Variants in TRPC7 observed in about 807,000 individuals in gnomAD.
The protein encoded by TRPC7 is transient receptor potential cation channel subfamily C member 7.
TRPC7 carries 42 observed loss-of-function variants against 90.1 expected under a neutral mutation model. The ratio of observed to expected loss-of-function variants is 0.47; its 90% CI spans 0.36 to 0.60. The LOEUF (loss-of-function observed/expected upper bound fraction) is 0.60. TRPC7 is among the 20% of genes least tolerant of loss of function. The pLI is 0.00. For synonymous variants in TRPC7, 451 were observed against 436.3 expected (o/e 1.03, Z -0.42); for missense variants, 955 against 1,112.3 (o/e 0.86, Z 2.01).
At chr5:136,358,508 T>G (rs971764105) in intron 1 of TRPC7, among the ~76,000 whole-genome samples, 3 of 152,200 alleles carry the variant, frequency 2.0e-5, no homozygotes, top group Non-Finnish European at 4.4e-5. Flanking sequence ...AGACAGACTT[T>G]GAAGTTAGAA....
chr5:136,293,964 C>A (rs1342226533), intron 3 of TRPC7, among the ~76,000 whole-genome samples: 1 of 152,108 alleles, frequency 6.6e-6, no homozygotes, highest in Non-Finnish European at 1.5e-5. Context: ...TGGAACAGAA[C>A]AGAGCCCTCA....
intron 3 of TRPC7, among the ~76,000 whole-genome samples, chr5:136,291,560 G>A (rs1480848076): frequency 7.2e-5 from 11 of 152,188 alleles, no homozygotes; most frequent in South Asian, 2.1e-4. Context: ...ATTACGTAAC[G>A]GTAAAGGGAT....
At chr5:136,353,634 C>T (rs555686052) in intron 2 of TRPC7, among the ~76,000 whole-genome samples, 8 of 152,266 alleles carry the variant, frequency 5.3e-5, no homozygotes, top group Middle Eastern at 3.4e-3. Flanking sequence ...ACATATAAGG[C>T]TAACTGAATA....
At position 136,365,394 on chromosome 5, in the gene TRPC7, G is replaced by T; in HGVS notation, c.-140C>A. ...CTGAAGTATAGAGCTGGTCAAGTGA[G>T]TTAAGTTGCAACGATGTGAAAGCGC... On this transcript the variant is annotated 5_prime_UTR_variant, in exon 1 of 12. Coordinates refer to ENST00000513104, the MANE Select transcript of TRPC7 (RefSeq NM_020389.3). The T allele has an allele frequency of 1.2e-6, 1 of 867,204 alleles. No homozygotes were observed. The allele number at this position is 867,204 out of a possible 1,614,324, so 53.7% of individuals were successfully genotyped here. A position where few individuals can be genotyped will look rare whatever the true frequency, so the allele number is the denominator to read the frequency against.
Position 136,353,138 on chromosome 5 carries a change from T to G in TRPC7, c.780+3470A>C, listed in dbSNP as rs12520683. Among the ~76,000 whole-genome samples the G allele has an allele frequency of 8.5e-3, 1,290 of 152,318 alleles. 9 individuals are homozygous for G. Among genetic ancestry groups the G allele is most frequent in the Admixed American group, 0.016 (238 of 15,290 alleles). ...AGATTAGAGAGACATAAGAAAATCC[T>G]TGAACAGCTACATGATTTCCACACC... On this transcript the variant is annotated intron_variant, in intron 2 of 11. Transcript: ENST00000513104.
chr5:136,275,383 A>T (rs749664148), intron 3 of TRPC7, among the ~76,000 whole-genome samples: 5 of 44,662 alleles, frequency 1.1e-4, no homozygotes, highest in South Asian at 9.5e-4. Context: ...ATGACATTGT[A>T]AAAAAAAAAA....
intron 3 of TRPC7, among the ~76,000 whole-genome samples, chr5:136,296,510 A>G (rs1245541488): frequency 6.6e-6 from 1 of 152,236 alleles, no homozygotes; most frequent in Non-Finnish European, 1.5e-5. Context: ...ATACATTTTA[A>G]AATGAATGCT....
chr5:136,233,257 G>A (rs1376796033), intron 7 of TRPC7, among the ~76,000 whole-genome samples: 2 of 152,174 alleles, frequency 1.3e-5, no homozygotes, highest in African/African-American at 4.8e-5. Flanking sequence ...TAGCATTAGC[G>A]AGAAATAATT....
At chr5:136,358,939 T>C (rs1760474708) in intron 1 of TRPC7, among the ~76,000 whole-genome samples, 1 of 152,254 alleles carries the variant, frequency 6.6e-6, no homozygotes, top group Admixed American at 6.5e-5. Context: ...TTAACTATTT[T>C]CTATGGTCCC....
chr5:136,333,712 C>T (rs1008179418), intron 2 of TRPC7, among the ~76,000 whole-genome samples: 1 of 152,110 alleles, frequency 6.6e-6, no homozygotes, highest in Admixed American at 6.5e-5. Flanking sequence ...AATTTTAATA[C>T]CAGCAGGATT....
At chr5:136,291,352 G>A (rs1317034856) in intron 3 of TRPC7, among the ~76,000 whole-genome samples, 1 of 152,162 alleles carries the variant, frequency 6.6e-6, no homozygotes, top group Non-Finnish European at 1.5e-5. Flanking sequence ...CTGGCAAATT[G>A]GATAAAAAGT....
chr5:136,286,726 C>T (rs76409393), intron 3 of TRPC7, among the ~76,000 whole-genome samples: 3,305 of 152,270 alleles, frequency 0.022, 130 homozygotes, highest in African/African-American at 0.075. Flanking sequence ...AAAGATAAGT[C>T]GAACACTGCC....
At position 136,330,331 on chromosome 5, in the gene TRPC7, C is replaced by T. The variant is rs547916277; in HGVS notation, c.781-14552G>A. 1.2e-3 allele frequency among the ~76,000 whole-genome samples: 187 copies of T among 152,352 alleles called. 1 individual carries two copies. Among genetic ancestry groups the T allele is most frequent in the Middle Eastern group, 3.4e-3 (1 of 294 alleles). ...GGCTAAGTGCTTTATATATTTATCT[C>T]ATTGAATTCTCATGACAAACCTAGG... On this transcript the variant is annotated intron_variant, in intron 2 of 11. Coordinates refer to ENST00000513104, the MANE Select transcript of TRPC7 (RefSeq NM_020389.3).
intron 5 of TRPC7, among the ~76,000 whole-genome samples, chr5:136,258,068 C>T (rs1756740936): frequency 6.6e-6 from 1 of 152,126 alleles, no homozygotes. Flanking sequence ...GAGGTAACTT[C>T]AAGTACTAAA....
intron 7 of TRPC7, among the ~76,000 whole-genome samples, chr5:136,242,741 TC>T (rs1336750319): frequency 6.6e-6 from 1 of 152,162 alleles, no homozygotes; most frequent in East Asian, 1.9e-4. Flanking sequence ...ACCAGAATCC[TC>T]CAGGGGCTTG....
chr5:136,250,224 C>A (rs567877098), intron 6 of TRPC7, among the ~76,000 whole-genome samples: 1 of 152,218 alleles, frequency 6.6e-6, no homozygotes, highest in Non-Finnish European at 1.5e-5. Context: ...CTCTCCATTT[C>A]TCAATGGAGA....
At chr5:136,239,323 T>C (rs1344052538) in intron 7 of TRPC7, among the ~76,000 whole-genome samples, 2 of 152,176 alleles carry the variant, frequency 1.3e-5, no homozygotes, top group African/African-American at 4.8e-5. Flanking sequence ...AAGGTGGAGA[T>C]TGTAACTTTC....
chr5:136,247,937 C>A lies in TRPC7; in HGVS notation c.1580-202G>T, dbSNP rs556657284. ...TGCCTGGAACACTCTTCTCTCACTT[C>A]GAAGTATGATTCATTCCTAATCCTC... On this transcript the variant is annotated intron_variant, in intron 6 of 11. Transcript: ENST00000513104. This position sits in a 1 kb window ranked among gnomAD's most constrained non-coding sequence, Gnocchi z 4.2. 3.3e-5 allele frequency among the ~76,000 whole-genome samples: 5 copies of A among 152,202 alleles called. No homozygotes were observed. Among genetic ancestry groups the A allele is most frequent in the Admixed American group, 2.0e-4 (3 of 15,286 alleles).
At chr5:136,255,700 C>G (rs1756666735) in intron 5 of TRPC7, among the ~76,000 whole-genome samples, 1 of 152,216 alleles carries the variant, frequency 6.6e-6, no homozygotes, top group Admixed American at 6.5e-5. Flanking sequence ...TGAGCACCTA[C>G]TATGTGCTAG....
Sources: allele counts gnomAD v4.1 joint callset (sites outside exome capture counted in the v4.1 genomes callset), GRCh38; gene constraint gnomAD v4.1.1; non-coding constraint Gnocchi (gnomAD v3.1); transcripts MANE v1.5; gene names NCBI Gene and HGNC (gene_info 2026-07-23, HGNC 2026-07-21).